Variants in RYR3 observed in about 807,000 individuals in gnomAD.
RYR3 encodes ryanodine receptor 3, also known as brain ryanodine receptor-calcium release channel.
In RYR3, 207 loss-of-function variants were observed where a neutral mutation model predicts 584.3. That is an observed-to-expected ratio of 0.35 (90% confidence interval 0.32 to 0.40). The LOEUF (loss-of-function observed/expected upper bound fraction) is 0.40. Among genes scored for constraint, RYR3 ranks in the 10% least tolerant of loss-of-function variants. The probability of loss-of-function intolerance (pLI) is 1.00; values close to 1 mark genes in which losing one functional copy is unlikely to be tolerated. For missense variants in RYR3, 5,616 were observed against 6,089.2 expected (o/e 0.92, Z 2.59); for synonymous variants, 2,416 against 2,248.5 (o/e 1.07, Z -2.11).
At chr15:33,425,673 G>C (rs904366935) in intron 1 of RYR3, among the ~76,000 whole-genome samples, 2 of 128,858 alleles carry the variant, frequency 1.6e-5, no homozygotes, top group Non-Finnish European at 3.1e-5. Flanking sequence ...ATGGAGTCTC[G>C]CTCTGTGGCC....
At chr15:33,751,147 G>T (rs906257081) in intron 57 of RYR3, among the ~76,000 whole-genome samples, 1 of 151,888 alleles carries the variant, frequency 6.6e-6, no homozygotes, top group Non-Finnish European at 1.5e-5. Flanking sequence ...ATGGGCATTT[G>T]GGTTGGTTCC....
chr15:33,356,917 T>A (rs1974061212), intron 1 of RYR3, among the ~76,000 whole-genome samples: 1 of 152,190 alleles, frequency 6.6e-6, no homozygotes, highest in African/African-American at 2.4e-5. Flanking sequence ...GCAATACCAT[T>A]TATTACTAGG....
intron 53 of RYR3, among the ~76,000 whole-genome samples, chr15:33,747,094 A>T (rs539570553): frequency 3.8e-4 from 58 of 152,146 alleles, no homozygotes; most frequent in Non-Finnish European, 6.2e-4. Flanking sequence ...TACAGGTGTG[A>T]ACTACCATGC....
At chr15:33,537,955 C>T (rs984735114) in intron 5 of RYR3, among the ~76,000 whole-genome samples, 1 of 151,828 alleles carries the variant, frequency 6.6e-6, no homozygotes, top group Non-Finnish European at 1.5e-5. Flanking sequence ...AAGAATTTTT[C>T]AGCTTTATCC....
chr15:33,841,941 A>G lies in RYR3; in HGVS notation c.13115A>G (p.Lys4372Arg). 7.5e-6 allele frequency: 12 copies of G among 1,601,058 alleles called. No individual in the cohort carries two copies. The highest frequency in any genetic ancestry group is 1.0e-5 in the Non-Finnish European group (12 of 1,173,712). The change falls in exon 91 of 104, where the codon AAG becomes AGG. Residue 4372 changes from lysine (K) to arginine (R), a missense_variant. Transcript: ENST00000634891. Reference sequence around the variant, plus strand: ...TACCTGTGGACAGAAGTGACAAAAAAGAAGAAGCGGCGGTGTGGTCAGAAG... The same window carrying G: ...TACCTGTGGACAGAAGTGACAAAAAGGAAGAAGCGGCGGTGTGGTCAGAAG... ...AEYLWTEVTK[K>R]KKRRCGQKVE...
At chr15:33,862,550 G>C (rs1181671511) in intron 102 of RYR3, among the ~76,000 whole-genome samples, 1 of 152,202 alleles carries the variant, frequency 6.6e-6, no homozygotes, top group Admixed American at 6.5e-5. Flanking sequence ...TTTGGAGAAG[G>C]CATTGTCAGA....
intron 1 of RYR3, among the ~76,000 whole-genome samples, chr15:33,425,680 G>T (rs1197714868): frequency 2.3e-5 from 3 of 130,732 alleles, no homozygotes; most frequent in African/African-American, 6.2e-5. Flanking sequence ...CTCGCTCTGT[G>T]GCCCAGGCTG....
intron 1 of RYR3, among the ~76,000 whole-genome samples, chr15:33,314,741 C>T (rs1323455868): frequency 2.0e-5 from 3 of 151,922 alleles, no homozygotes; most frequent in South Asian, 2.1e-4. Flanking sequence ...GGTGAAACCC[C>T]GTCTCTACTA....
At chr15:33,537,549 C>T (rs1293064005) in intron 5 of RYR3, among the ~76,000 whole-genome samples, 2 of 151,944 alleles carry the variant, frequency 1.3e-5, no homozygotes, top group Admixed American at 6.6e-5. Flanking sequence ...TTTTTTTCCT[C>T]AGCTTCCTGA....
intron 18 of RYR3, among the ~76,000 whole-genome samples, chr15:33,607,711 ATTG>A (rs2059975590): frequency 1.3e-5 from 2 of 152,108 alleles, no homozygotes; most frequent in Admixed American, 1.3e-4. Context: ...AATTTCCCAT[ATTG>A]TTATTTTTTT....
intron 51 of RYR3, among the ~76,000 whole-genome samples, chr15:33,741,645 A>G (rs145401228): frequency 0.2 from 29,911 of 151,590 alleles, 3,081 homozygotes; most frequent in African/African-American, 0.27. Flanking sequence ...ATGGAGTCTT[A>G]CTCTGTCACC....
chr15:33,726,380 T>C lies in RYR3; in HGVS notation c.6913-6T>C. The C allele has an allele frequency of 6.2e-7, 1 of 1,613,060 alleles. No individual in the cohort carries two copies. Among genetic ancestry groups the C allele is most frequent in the Non-Finnish European group, 8.5e-7 (1 of 1,179,606 alleles). ...ATCTAATGTCATTCTCAACCCTATC[T>C]TCCAGCTCATCCAGACAGGAAAGGG... On this transcript the variant is annotated splice_region_variant and splice_polypyrimidine_tract_variant and intron_variant, in intron 45 of 103. Transcript: ENST00000634891.
intron 3 of RYR3, among the ~76,000 whole-genome samples, chr15:33,509,186 A>G (rs1428447410): frequency 2.6e-5 from 4 of 152,202 alleles, no homozygotes; most frequent in Non-Finnish European, 5.9e-5. Context: ...AAATACATCA[A>G]AACAAACACT....
chr15:33,321,950 G>A (rs1390100155), intron 1 of RYR3, among the ~76,000 whole-genome samples: 7 of 152,204 alleles, frequency 4.6e-5, no homozygotes, highest in Admixed American at 4.6e-4. Context: ...GGGTCAGGGT[G>A]AAATGATCAG....
chr15:33,440,702 A>C (rs1399432200), intron 1 of RYR3, among the ~76,000 whole-genome samples: 1 of 152,234 alleles, frequency 6.6e-6, no homozygotes, highest in Non-Finnish European at 1.5e-5. Flanking sequence ...AAAATTCCAC[A>C]ATTCCAGGCT....
intron 1 of RYR3, 74 bp from the exon 2 acceptor site, chr15:33,473,345 G>C: frequency 1.3e-6 from 2 of 1,591,084 alleles, no homozygotes; most frequent in Non-Finnish European, 1.7e-6. Flanking sequence ...ACCTGACTCA[G>C]GTACAGGAAG....
In RYR3 at chr15:33,390,413, AC is replaced by A. The variant is rs1163198787; in HGVS notation, c.51+79319del. Among the ~76,000 whole-genome samples, 2 of 152,242 alleles carry A rather than the reference AC, an allele frequency of 1.3e-5. No homozygotes were observed. The highest frequency in any genetic ancestry group is 4.8e-5 in the African/African-American group (2 of 41,460). ...ATATTTCCAAACTGATATTTGCAGG[AC>A]CAAGCCACTGCAAAAGAGAATTCCT... is the stretch of plus-strand genomic sequence containing the variant. On this transcript the variant is annotated intron_variant, in intron 1 of 103. Coordinates refer to ENST00000634891, the MANE Select transcript of RYR3 (RefSeq NM_001036.6). This position sits in a 1 kb window ranked among gnomAD's most constrained non-coding sequence, Gnocchi z 4.2.
chr15:33,864,809 T>C, intron 103 of RYR3: 1 of 261,038 alleles, frequency 3.8e-6, no homozygotes, highest in Non-Finnish European at 7.3e-6. Context: ...CAAGCATTCC[T>C]CCGTCTTCCA....
intron 59 of RYR3, 113 bp downstream of exon 59, chr15:33,756,486 G>A: frequency 1.3e-6 from 1 of 771,850 alleles, no homozygotes; most frequent in Middle Eastern, 2.5e-4. Flanking sequence ...CTTCAGTGAG[G>A]TACATGTATA....
Sources: gnomAD v4.1 joint callset for allele counts (sites outside exome capture counted in the v4.1 genomes callset) on GRCh38, gnomAD v4.1.1 for gene constraint, Gnocchi (gnomAD v3.1) non-coding constraint, MANE v1.5 for transcripts, NCBI Gene and HGNC (gene_info 2026-07-23, HGNC 2026-07-21) for gene names.